The following PHKA2 variants were observed in gnomAD, a reference collection of about 807,000 sequenced individuals.
PHKA2 encodes phosphorylase kinase regulatory subunit alpha 2.
Under a neutral mutation model 102.0 loss-of-function variants are expected in PHKA2, and 31 were observed. The ratio of observed to expected loss-of-function variants is 0.30; its 90% CI spans 0.23 to 0.41. PHKA2 has a LOEUF of 0.41. Ranked by LOEUF, PHKA2 falls within the 10% of genes least tolerant of loss-of-function variation. The probability of loss-of-function intolerance (pLI) is 1.00; values close to 1 mark genes in which losing one functional copy is unlikely to be tolerated. For synonymous variants in PHKA2, 455 were observed against 416.2 expected, an observed-to-expected ratio of 1.09 and a Z score of -1.13; for missense variants, 858 against 1,023.1, an observed-to-expected ratio of 0.84 and a Z score of 2.20.
chrX:18,943,315 C>T (rs201088352), intron 7 of PHKA2, among the ~76,000 whole-genome samples: 3 of 111,875 alleles, frequency 2.7e-5, no homozygotes, highest in Non-Finnish European at 5.6e-5. Flanking sequence ...ATCCCCAACC[C>T]CTCACCCCCA....
Position 18,918,843 on chromosome X carries a change from C to T in PHKA2, c.1975G>A (p.Glu659Lys), listed in dbSNP as rs770578105. The part of the protein sequence containing the change: ...EDTCNQESQD[E>K]LDHYINHLLQ... ...AGGTGGTTGATATAATGGTCAAGTT[C>T]GTCTTGGCTTTCTGTAATTGGACAA... Residue 659 changes from glutamate (E) to lysine (K), a missense_variant, in exon 19 of 33, where the codon GAA (glutamate) becomes AAA (lysine). Physicochemically the swap from Glu to Lys is moderately conservative, Grantham distance 56 (BLOSUM62 1). This residue lies in a region of PHKA2 where 671 missense variants were observed against 745.2 expected (regional missense o/e 0.90). Coordinates refer to ENST00000379942, the MANE Select transcript of PHKA2 (RefSeq NM_000292.3). 1 of 1,210,338 alleles carries T rather than the reference C, an allele frequency of 8.3e-7. No homozygotes were observed. The highest frequency in any genetic ancestry group is 1.8e-5 in the South Asian group (1 of 56,935).
chrX:18,977,449 C>T (rs1314202493), intron 1 of PHKA2, among the ~76,000 whole-genome samples: 3 of 111,426 alleles, frequency 2.7e-5, no homozygotes, highest in South Asian at 7.3e-4. Flanking sequence ...TTTCTATGGC[C>T]TAATTATTTC....
At chrX:18,942,754 G>C (rs766439347) in intron 7 of PHKA2, among the ~76,000 whole-genome samples, 1 of 109,270 alleles carries the variant, frequency 9.2e-6, no homozygotes, top group African/African-American at 3.3e-5. Context: ...AAGCTGAGGC[G>C]GGAGGACTGC....
rs762558751 is a variant in PHKA2 at position 18,908,185 on chromosome X, G to A, written c.2361-129C>T. On this transcript the variant is annotated intron_variant, in intron 21 of 32. Transcript: ENST00000379942. ...CCCTGAGTCTCACTGAGAGGGTTAC[G>A]CCCGACCAAAGCTTCCCTATGTCCT... 19 of 664,403 alleles carry A rather than the reference G, an allele frequency of 2.9e-5. No individual in the cohort carries two copies. The South Asian group carries it at 3.1e-4, about 11-fold the overall frequency. The allele number at this position is 664,403 out of a possible 1,213,427, so 54.8% of individuals were successfully genotyped here.
intron 5 of PHKA2, among the ~76,000 whole-genome samples, chrX:18,945,975 A>C (rs2048572342): frequency 9.2e-6 from 1 of 109,030 alleles, no homozygotes. Context: ...TTAGTTGCTC[A>C]GGAGTGCAGT....
At position 18,918,745 on chromosome X, in the gene PHKA2, A is replaced by G; in HGVS notation, c.2073T>C (p.Ser691=). 3 of 1,210,614 alleles carry G rather than the reference A, an allele frequency of 2.5e-6. No individual in the cohort carries two copies. ...CKNTEDRHVF[S]AIHSTRDILS... ...GTATGTCCCGCGTGGAGTGGATAGC[A>G]CTGAAGACATGGCGGTCTTCTGTGT... is the stretch of plus-strand genomic sequence containing the variant. The change falls in exon 19 of 33, where the codon AGT becomes AGC. Residue 691 remains serine (S), a synonymous_variant. Coordinates refer to ENST00000379942, the MANE Select transcript of PHKA2 (RefSeq NM_000292.3).
intron 27 of PHKA2, among the ~76,000 whole-genome samples, chrX:18,901,007 ATTT>A (rs747588302): frequency 4.4e-5 from 4 of 90,910 alleles, no homozygotes; most frequent in Non-Finnish European, 4.4e-5. Context: ...GTTCAAAAGG[ATTT>A]TTTTTTTTTT....
intron 1 of PHKA2, among the ~76,000 whole-genome samples, chrX:18,976,013 C>A (rs188058503): frequency 1.2e-5 from 1 of 85,046 alleles, no homozygotes; most frequent in Non-Finnish European, 2.2e-5. Context: ...CTCACTCTGT[C>A]GCTCAGACTG....
intron 4 of PHKA2, among the ~76,000 whole-genome samples, 170 bp from the exon 5 acceptor site, chrX:18,948,996 C>T (rs969017414): frequency 3.6e-5 from 4 of 110,819 alleles, no homozygotes; most frequent in Non-Finnish European, 7.6e-5. Context: ...GTCTAATCTC[C>T]GAAAAGAGGG....
At chrX:18,976,525 G>A (rs1422391919) in intron 1 of PHKA2, among the ~76,000 whole-genome samples, 1 of 111,555 alleles carries the variant, frequency 9.0e-6, no homozygotes, top group Non-Finnish European at 1.9e-5. Context: ...GTCAACTGTG[G>A]TCTGAAAATA....
chrX:18,964,506 G>A (rs1256880930), intron 1 of PHKA2, among the ~76,000 whole-genome samples: 1 of 112,403 alleles, frequency 8.9e-6, no homozygotes. Context: ...GATAAATGTT[G>A]AAAAGACATG....
intron 29 of PHKA2, chrX:18,898,003 G>A (rs1333022145): frequency 8.8e-6 from 1 of 113,213 alleles, no homozygotes; most frequent in African/African-American, 3.2e-5. Context: ...TGACAGACAC[G>A]TTTCCACAGG....
Position 18,936,064 on chromosome X carries a change from C to A in PHKA2, c.1128G>T (p.Pro376=), listed in dbSNP as rs140060022. 5 of 1,199,918 alleles carry A rather than the reference C, an allele frequency of 4.2e-6. No individual in the cohort carries two copies. The East Asian group carries it at 1.5e-4, about 36-fold the overall frequency. Residue 376 remains proline (P), a synonymous_variant, in exon 11 of 33, where the codon CCG becomes CCT. Transcript: ENST00000379942. ...TCTGCCACTGGGTTACCTTGTTAGG[C>A]GGGACAGCGTAGAGTTCAGGCACCA... The part of the protein sequence containing the change: ...IRLVPELYAV[P]PNKVDEEYKN...
At chrX:18,956,889 C>T (rs938242905) in intron 1 of PHKA2, among the ~76,000 whole-genome samples, 2 of 112,474 alleles carry the variant, frequency 1.8e-5, no homozygotes, top group Non-Finnish European at 3.8e-5. Context: ...GCCACTTCTG[C>T]TCTGCTGTCC....
Position 18,948,744 on chromosome X carries a change from A to C in PHKA2, c.537T>G (p.Ala179=), listed in dbSNP as rs2048628322. 3.5e-6 allele frequency: 4 copies of C among 1,148,227 alleles called. No individual in the cohort carries two copies. In the East Asian group the frequency reaches 1.2e-4, roughly 35 times the overall value. The allele number at this position is 1,148,227 out of a possible 1,213,427, so 94.6% of individuals were successfully genotyped here. A position where few individuals can be genotyped will look rare whatever the true frequency, so the allele number is the denominator to read the frequency against. ...AAAGACTACCAGGGTTGATACTTAC[A>C]GCGACTTTATATGCAGCTTCTATGT... is the stretch of plus-strand genomic sequence containing the variant. The part of the protein sequence containing the change: ...VFYIEAAYKV[A]DYGMWERGDK... The change falls in exon 5 of 33, where the codon GCT becomes GCG. Residue 179 remains alanine, a splice_region_variant and synonymous_variant. Coordinates refer to ENST00000379942, the MANE Select transcript of PHKA2 (RefSeq NM_000292.3).
chrX:18,897,948 CAA>C (rs1399122846), intron 29 of PHKA2: 1 of 114,840 alleles, frequency 8.7e-6, no homozygotes, highest in African/African-American at 3.2e-5. Flanking sequence ...CTCAGGGAGA[CAA>C]ACTCCATAGT....
At chrX:18,910,101 T>C (rs1488276138) in intron 20 of PHKA2, among the ~76,000 whole-genome samples, 1 of 112,566 alleles carries the variant, frequency 8.9e-6, no homozygotes, top group Non-Finnish European at 1.9e-5. Flanking sequence ...TTTATTCTCC[T>C]GAGCAATCTT....
At chrX:18,913,642 CA>C (rs1282768655) in intron 19 of PHKA2, among the ~76,000 whole-genome samples, 1 of 111,638 alleles carries the variant, frequency 9.0e-6, no homozygotes, top group Admixed American at 9.5e-5. Flanking sequence ...CTGACCCACC[CA>C]CCTGGGCCTC....
intron 9 of PHKA2, among the ~76,000 whole-genome samples, chrX:18,938,971 C>T (rs2048442884): frequency 8.9e-6 from 1 of 111,818 alleles, no homozygotes; most frequent in African/African-American, 3.3e-5. Context: ...GTTTATTATA[C>T]TAAAGCTTCC....
Sources: allele counts gnomAD v4.1 joint callset (sites outside exome capture counted in the v4.1 genomes callset), GRCh38; gene constraint gnomAD v4.1.1; regional missense constraint gnomAD v4.1.1; transcripts MANE v1.5; gene names NCBI Gene and HGNC (gene_info 2026-07-23, HGNC 2026-07-21).